Variants in PRSS36 observed in about 807,000 individuals in gnomAD.
PRSS36 encodes polyserase-2.
PRSS36 carries 90 observed loss-of-function variants against 94.3 expected under a neutral mutation model. The observed-to-expected ratio is 0.95, with a 90% CI of 0.80 to 1.14. PRSS36 has a LOEUF of 1.14. Among genes scored for constraint, PRSS36 ranks in the 50% most tolerant of loss-of-function variants. The pLI, the probability that PRSS36 is intolerant of heterozygous loss-of-function variation, is 0.00. For synonymous variants in PRSS36, 500 were observed against 489.6 expected (o/e 1.02, Z -0.28); for missense variants, 1,158 against 1,135.0 (o/e 1.02, Z -0.29).
At chr16:31,139,457 C>T (rs1436198947) in intron 14 of PRSS36, 41 bp from the exon 15 acceptor site, 8 of 1,584,652 alleles carry the variant, frequency 5.0e-6, no homozygotes, top group Non-Finnish European at 6.9e-6. Context: ...TGCTGCCCTT[C>T]CTCTTGGTCC....
At chr16:31,148,831 C>G (rs1435644299) in intron 4 of PRSS36, 156 bp from the exon 5 acceptor site, 1 of 1,075,092 alleles carries the variant, frequency 9.3e-7, no homozygotes, top group African/African-American at 1.6e-5. Flanking sequence ...CGATTTGGAG[C>G]TGGTGGTGGG....
At position 31,142,522 on chromosome 16, in the gene PRSS36, A is replaced by G; in HGVS notation, c.1480T>C (p.Cys494Arg). 6.6e-7 allele frequency: 1 copy of G among 1,518,112 alleles called. No individual in the cohort carries two copies. The highest frequency in any genetic ancestry group is 8.8e-7 in the Non-Finnish European group (1 of 1,136,120). 94.0% of individuals were successfully genotyped at this position (1,518,112 alleles called of 1,614,324 possible). A position where few individuals can be genotyped will look rare whatever the true frequency, so the allele number is the denominator to read the frequency against. Residue 494 changes from cysteine to arginine, a missense_variant, in exon 10 of 15, where the codon TGC (cysteine) becomes CGC (arginine). Transcript: ENST00000268281. The part of the protein sequence containing the change: ...PLPGDPPHAL[C>R]PAYQEKEEVG... Reference sequence around the variant, plus strand: ...TCCTCCTTTTCCTGGTAGGCAGGGCAGAGCGCGTGCGGCGGGTCTCCGGGC... The same window carrying G: ...TCCTCCTTTTCCTGGTAGGCAGGGCGGAGCGCGTGCGGCGGGTCTCCGGGC...
In PRSS36 at chr16:31,149,578, A is replaced by G. The variant is rs369498007; in HGVS notation, c.74-80T>C. On this transcript the variant is annotated intron_variant, in intron 2 of 14. Coordinates refer to ENST00000268281, the MANE Select transcript of PRSS36 (RefSeq NM_173502.5). ...GCCCAGCCCCACTTCCTGCTCTCCA[A>G]CCCCCGACCCTATCTTCCCACTTCC... The G allele has an allele frequency of 2.6e-5, 41 of 1,604,380 alleles. No individual in the cohort carries two copies. The African/African-American group carries it at 4.9e-4, about 19-fold the overall frequency.
At chr16:31,149,763 G>A (rs750340215) in intron 1 of PRSS36, 32 bp from the exon 2 acceptor site, 4 of 1,614,058 alleles carry the variant, frequency 2.5e-6, no homozygotes, top group Non-Finnish European at 3.4e-6. Context: ...GGAAGAGGCT[G>A]GCGACTCGCA....
chr16:31,140,835 A>C, intron 12 of PRSS36, 78 bp from the exon 13 acceptor site: 5 of 1,507,684 alleles, frequency 3.3e-6, no homozygotes, highest in East Asian at 4.6e-5. Context: ...GGGAAGGATG[A>C]CTCTCTGGGG....
Position 31,138,930 on chromosome 16 carries a change from G to GT in PRSS36, c.*207dup. ...GCCACAAGGCCACACAGGTACCTGT[G>GT]TTTACACCTTTATTGTCCGCTCCTC... On this transcript the variant is annotated 3_prime_UTR_variant, in exon 15 of 15. Coordinates refer to ENST00000268281, the MANE Select transcript of PRSS36 (RefSeq NM_173502.5). 1 of 543,230 alleles carries GT rather than the reference G, an allele frequency of 1.8e-6. No homozygotes were observed. 33.7% of individuals were successfully genotyped at this position (543,230 alleles called of 1,614,324 possible).
intron 6 of PRSS36, among the ~76,000 whole-genome samples, chr16:31,145,185 T>A (rs2057777852): frequency 6.6e-6 from 1 of 151,342 alleles, no homozygotes; most frequent in African/African-American, 2.4e-5. Context: ...CTGGCTAACC[T>A]GGTGAAATCC....
rs761719090 is a variant in PRSS36, at chr16:31,141,916, C to G, written c.1566G>C (p.Trp522Cys). The G allele has an allele frequency of 6.2e-7, 1 of 1,614,188 alleles. No homozygotes were observed. Among genetic ancestry groups the G allele is most frequent in the Non-Finnish European group, 8.5e-7 (1 of 1,180,018 alleles). Reference sequence around the variant, plus strand: ...GAAAGTCTCTGATTCCAGCCAGAAACCAGGTCCCCTCCTCCTGGCACAAAA... The same window carrying G: ...GAAAGTCTCTGATTCCAGCCAGAAAGCAGGTCCCCTCCTCCTGGCACAAAA... ...WSLLCQEEGT[W>C]FLAGIRDFPS... is the part of the protein sequence containing the mutation. Residue 522 changes from tryptophan (W) to cysteine (C), a missense_variant, in exon 11 of 15, where the codon TGG (tryptophan) becomes TGC (cysteine). Transcript: ENST00000268281.
Position 31,140,598 on chromosome 16 carries a change from G to C in PRSS36, c.2061C>G (p.Ser687=). 1 of 1,609,096 alleles carries C rather than the reference G, an allele frequency of 6.2e-7. No homozygotes were observed. The highest frequency in any genetic ancestry group is 8.5e-7 in the Non-Finnish European group (1 of 1,177,398). Residue 687 remains serine (S), a synonymous_variant, in exon 13 of 15, where the codon TCC becomes TCG. Transcript: ENST00000268281. ...RPPLALLELS[S]RVEPSPSALP... ...GGGCTGATGGGGAGGGCTCCACCCG[G>C]GAGCTCAGCTCCAGGAGGGCCAGGG...
chr16:31,142,641 G>C lies in PRSS36; in HGVS notation c.1361C>G (p.Pro454Arg), dbSNP rs780978926. 2 of 1,470,026 alleles carry C rather than the reference G, an allele frequency of 1.4e-6. No individual in the cohort carries two copies. The highest frequency in any genetic ancestry group is 1.8e-6 in the Non-Finnish European group (2 of 1,113,082). The allele number at this position is 1,470,026 out of a possible 1,614,324, so 91.1% of individuals were successfully genotyped here. Residue 454 changes from proline (P) to arginine (R), a missense_variant, in exon 10 of 15, where the codon CCC becomes CGC. Pro to Arg is a moderately radical substitution (Grantham distance 103, BLOSUM62 -2). Coordinates refer to ENST00000268281, the MANE Select transcript of PRSS36 (RefSeq NM_173502.5). ...CRLARWGRGE[P>R]ALGPGALLEA... ...CAGCAGCGCGCCTGGGCCAAGCGCG[G>C]GTTCTGGAAGGGAAAAGGCAGGGAG... is the stretch of plus-strand genomic sequence containing the variant.
In PRSS36 at chr16:31,149,179, C is replaced by T; in HGVS notation, c.166G>A (p.Gly56Ser). Residue 56 changes from glycine to serine, a missense_variant, in exon 4 of 15, where the codon GGC (glycine) becomes AGC (serine). Gly to Ser is a moderately conservative substitution (Grantham distance 56, BLOSUM62 0). Coordinates refer to ENST00000268281, the MANE Select transcript of PRSS36 (RefSeq NM_173502.5). ...AGGCTCACTTGCCAAGGCCAGGTGC[C>T]CGGCTGCGCGTTTGAGCCCCCCACG... ...RIVGGSNAQP[G>S]TWPWQVSLHH... 6.4e-7 allele frequency: 1 copy of T among 1,572,320 alleles called. No individual in the cohort carries two copies. The highest frequency in any genetic ancestry group is 8.6e-7 in the Non-Finnish European group (1 of 1,159,776).
chr16:31,143,063 TA>T, intron 8 of PRSS36, 70 bp from the exon 9 acceptor site: 1 of 1,383,852 alleles, frequency 7.2e-7, no homozygotes, highest in East Asian at 2.9e-5. Flanking sequence ...CACCCCGGCT[TA>T]GACTTGCCAG....
At chr16:31,147,910 T>C (rs1264991151) in intron 5 of PRSS36, among the ~76,000 whole-genome samples, 3 of 152,148 alleles carry the variant, frequency 2.0e-5, no homozygotes, top group African/African-American at 7.2e-5. Flanking sequence ...AGTGCTTTAC[T>C]ATAGATTACC....
intron 12 of PRSS36, 150 bp downstream of exon 12, chr16:31,141,316 CAGG>C: frequency 2.0e-6 from 2 of 985,334 alleles, no homozygotes; most frequent in Non-Finnish European, 3.0e-6. Flanking sequence ...TTGGCCAAGG[CAGG>C]AGGATTGCTT....
intron 14 of PRSS36, 77 bp from the exon 15 acceptor site, chr16:31,139,493 C>T: frequency 6.6e-7 from 1 of 1,523,236 alleles, no homozygotes; most frequent in South Asian, 1.2e-5. Context: ...AGGGTCTGGC[C>T]ACGAAGCACT....
rs752803628 is a variant in PRSS36 at position 31,140,551 on chromosome 16, G to A, written c.2108C>T (p.Ala703Val). 13 of 1,584,288 alleles carry A rather than the reference G, an allele frequency of 8.2e-6. No individual in the cohort carries two copies. Among genetic ancestry groups the A allele is most frequent in the Admixed American group, 3.5e-5 (2 of 57,374 alleles). ...GCAGCTGGCCCCCGGGGGGATACCCGCCGGGTGGAGACAGATGGGCAGGGC... is the reference window on the plus strand; with the variant it reads ...GCAGCTGGCCCCCGGGGGGATACCCACCGGGTGGAGACAGATGGGCAGGGC... ...PSALPICLHPAGIPPGASCWV... is the reference protein window; with the variant it reads ...PSALPICLHPVGIPPGASCWV... The change falls in exon 13 of 15, where the codon GCG (alanine) becomes GTG (valine). Residue 703 changes from alanine (A) to valine (V), a missense_variant. By Grantham distance (64) the Ala-to-Val change is moderately conservative. Coordinates refer to ENST00000268281, the MANE Select transcript of PRSS36 (RefSeq NM_173502.5).
chr16:31,149,963 A>C, intron 1 of PRSS36, 36 bp downstream of exon 1: 1 of 1,611,204 alleles, frequency 6.2e-7, no homozygotes, highest in Non-Finnish European at 8.5e-7. Flanking sequence ...GCCAGGACCC[A>C]GGCCCTTTGC....
intron 5 of PRSS36, 66 bp from the exon 6 acceptor site, chr16:31,146,021 G>A: frequency 6.7e-7 from 1 of 1,491,060 alleles, no homozygotes; most frequent in Non-Finnish European, 9.0e-7. Context: ...CCAGGGTTCA[G>A]GTTTGCCTCC....
chr16:31,145,455 T>G (rs760914020), intron 6 of PRSS36, among the ~76,000 whole-genome samples: 108 of 151,616 alleles, frequency 7.1e-4, no homozygotes, highest in Non-Finnish European at 1.1e-3. Context: ...ATAAATTCAC[T>G]TGGCCAGGCG....
Sources: gnomAD v4.1 joint callset for allele counts (sites outside exome capture counted in the v4.1 genomes callset) on GRCh38, gnomAD v4.1.1 for gene constraint, MANE v1.5 for transcripts, NCBI Gene and HGNC (gene_info 2026-07-23, HGNC 2026-07-21) for gene names.